Variants in ANKRD44 observed in about 807,000 individuals in gnomAD.
ANKRD44 encodes the protein serine/threonine-protein phosphatase 6 regulatory ankyrin repeat subunit B.
In ANKRD44, 35 loss-of-function variants were observed where a neutral mutation model predicts 116.0. The observed-to-expected ratio is 0.30, with a 90% CI of 0.23 to 0.40. The LOEUF is 0.40. Among genes scored for constraint, ANKRD44 ranks in the 10% least tolerant of loss-of-function variants. The pLI is 1.00. For synonymous variants in ANKRD44, 435 were observed against 461.8 expected (o/e 0.94, Z 0.74); for missense variants, 1,014 against 1,242.6 (o/e 0.82, Z 2.77).
At chr2:197,036,795 CT>C (rs1219864931) in intron 16 of ANKRD44, among the ~76,000 whole-genome samples, 1 of 152,204 alleles carries the variant, frequency 6.6e-6, no homozygotes, top group Non-Finnish European at 1.5e-5. Context: ...GTATTTCAAA[CT>C]ACCTTGCAAG....
At chr2:197,146,700 T>TGTATATATACGC (rs2079513709) in intron 3 of ANKRD44, among the ~76,000 whole-genome samples, 1 of 148,140 alleles carries the variant, frequency 6.8e-6, no homozygotes, top group African/African-American at 2.6e-5. Context: ...TATGTTCATG[T>TGTATATATACGC]AGACTTTAAA....
At chr2:197,070,843 C>A (rs1023659249) in intron 16 of ANKRD44, among the ~76,000 whole-genome samples, 17 of 152,128 alleles carry the variant, frequency 1.1e-4, no homozygotes, top group Non-Finnish European at 5.9e-5. Flanking sequence ...TGGTAGAATT[C>A]TCCAGTGAAA....
intron 9 of ANKRD44, 49 bp from the exon 10 acceptor site, chr2:197,099,979 C>T (rs934013865): frequency 6.4e-7 from 1 of 1,551,094 alleles, no homozygotes; most frequent in Admixed American, 1.7e-5. Context: ...CAGGTTGATT[C>T]AGGTCCTATG....
At chr2:197,260,189 T>C (rs1358377079) in intron 1 of ANKRD44, among the ~76,000 whole-genome samples, 1 of 152,024 alleles carries the variant, frequency 6.6e-6, no homozygotes, top group Non-Finnish European at 1.5e-5. Context: ...ACCCATTAAC[T>C]CGTCATTTAG....
chr2:197,160,055 C>T (rs117835089), intron 2 of ANKRD44, among the ~76,000 whole-genome samples: 424 of 152,116 alleles, frequency 2.8e-3, no homozygotes, highest in East Asian at 0.017. Context: ...CACACACACA[C>T]ACATACACAC....
chr2:196,996,858 T>C (rs1334291473), intron 25 of ANKRD44, among the ~76,000 whole-genome samples: 1 of 140,016 alleles, frequency 7.1e-6, no homozygotes, highest in Non-Finnish European at 1.5e-5. Flanking sequence ...GGGCCAAGAT[T>C]GCGCCACTGC....
At chr2:197,045,603 C>T (rs1319542662) in intron 16 of ANKRD44, among the ~76,000 whole-genome samples, 2 of 152,164 alleles carry the variant, frequency 1.3e-5, no homozygotes, top group Admixed American at 6.5e-5. Flanking sequence ...GCTCAGGTCC[C>T]TGTTACTCCT....
intron 26 of ANKRD44, 22 bp from the exon 27 acceptor site, chr2:196,993,696 A>C: frequency 2.6e-6 from 4 of 1,540,956 alleles, no homozygotes; most frequent in South Asian, 1.2e-5. Flanking sequence ...AAGACCGAGC[A>C]TCAGTTGTGA....
chr2:196,975,913 A>G (rs970068168), intron 21 of ANKRD44, among the ~76,000 whole-genome samples: 2 of 152,046 alleles, frequency 1.3e-5, no homozygotes, highest in Admixed American at 6.5e-5. Context: ...CCTTATGAAT[A>G]TAGTTACAAA....
At chr2:197,047,937 A>AT (rs1405355106) in intron 16 of ANKRD44, among the ~76,000 whole-genome samples, 1 of 151,730 alleles carries the variant, frequency 6.6e-6, no homozygotes, top group East Asian at 1.9e-4. Flanking sequence ...GTGTTGGTGG[A>AT]TTTTTTGAAT....
chr2:197,113,843 TCATCTATAGCCTGAGTCCAGGCTATAGC>T (rs2078647450), intron 8 of ANKRD44, among the ~76,000 whole-genome samples: 1 of 152,222 alleles, frequency 6.6e-6, no homozygotes, highest in Non-Finnish European at 1.5e-5. Flanking sequence ...TTGCCTGGGT[TCATCTATAGCCTGAGTCCAGGCTATAGC>T]TGATATTTTT....
chr2:197,172,034 C>A (rs1289804965), intron 2 of ANKRD44, among the ~76,000 whole-genome samples: 2 of 130,702 alleles, frequency 1.5e-5, no homozygotes, highest in African/African-American at 5.7e-5. Flanking sequence ...ATGTCTCACT[C>A]TTGTCTCCCA....
At chr2:196,975,435 A>G (rs569290743) in intron 21 of ANKRD44, among the ~76,000 whole-genome samples, 42 of 152,318 alleles carry the variant, frequency 2.8e-4, no homozygotes, top group African/African-American at 9.9e-4. Flanking sequence ...AGGAAGGAAC[A>G]TTTCTGAACT....
At chr2:197,145,724 A>G (rs2079484649) in intron 3 of ANKRD44, among the ~76,000 whole-genome samples, 1 of 152,196 alleles carries the variant, frequency 6.6e-6, no homozygotes, top group African/African-American at 2.4e-5. Context: ...TATGCATCAC[A>G]GCACAATTCT....
chr2:197,021,014 T>C (rs762339854), intron 17 of ANKRD44, among the ~76,000 whole-genome samples: 17 of 152,178 alleles, frequency 1.1e-4, no homozygotes, highest in Non-Finnish European at 1.9e-4. Flanking sequence ...GTTTTCATTG[T>C]TCAGTTTTCA....
intron 21 of ANKRD44, among the ~76,000 whole-genome samples, chr2:196,967,771 A>G (rs981972770): frequency 2.0e-5 from 3 of 152,214 alleles, no homozygotes; most frequent in Admixed American, 1.3e-4. Flanking sequence ...CTGAAAAACA[A>G]TTCTCACAGG....
At chr2:196,970,582 T>C (rs1337259536) in intron 21 of ANKRD44, among the ~76,000 whole-genome samples, 1 of 152,168 alleles carries the variant, frequency 6.6e-6, no homozygotes, top group African/African-American at 2.4e-5. Context: ...AGTAGAATGA[T>C]TGACTTACCC....
chr2:197,144,151 G>A (rs1016646196), intron 3 of ANKRD44, among the ~76,000 whole-genome samples: 2 of 152,248 alleles, frequency 1.3e-5, no homozygotes, highest in South Asian at 2.1e-4. Flanking sequence ...TGAATTCTTC[G>A]CCAAGACCTT....
chr2:197,276,476 G>A (rs2083088510), intron 1 of ANKRD44, among the ~76,000 whole-genome samples: 1 of 151,686 alleles, frequency 6.6e-6, no homozygotes, highest in East Asian at 1.9e-4. Flanking sequence ...CTTATTTCTA[G>A]GGTTATATAT....
Sources: gnomAD v4.1 joint callset for allele counts (sites outside exome capture counted in the v4.1 genomes callset) on GRCh38, gnomAD v4.1.1 for gene constraint, MANE v1.5 for transcripts, NCBI Gene and HGNC (gene_info 2026-07-23, HGNC 2026-07-21) for gene names.